CARM1: variants seen among roughly 807,000 people sequenced by gnomAD.
CARM1 encodes the protein coactivator associated arginine methyltransferase 1.
CARM1 carries 14 observed loss-of-function variants against 72.7 expected under a neutral mutation model. The observed-to-expected ratio is 0.19, with a 90% CI of 0.13 to 0.30. The LOEUF (loss-of-function observed/expected upper bound fraction) is 0.30, where lower values mean the gene tolerates loss of function less well. CARM1 is among the 10% of genes least tolerant of loss of function. The pLI, the probability that CARM1 is intolerant of heterozygous loss-of-function variation, is 1.00. For missense variants in CARM1, 432 were observed against 833.7 expected (o/e 0.52, Z 5.93); for synonymous variants, 333 against 345.5 (o/e 0.96, Z 0.40).
At position 10,909,000 on chromosome 19, in the gene CARM1, G is replaced by A. The variant is rs534973110; in HGVS notation, c.454-103G>A. ...GAGGGTGCACGACCTCCCGAGGGAG[G>A]TTTGTGCCCTAGATGGCCCCTTGCT... is the stretch of plus-strand genomic sequence containing the variant. On this transcript the variant is annotated intron_variant, in intron 3 of 15. Transcript: ENST00000327064. 3 of 816,714 alleles carry A rather than the reference G, an allele frequency of 3.7e-6. No individual in the cohort carries two copies. In the South Asian group the frequency reaches 4.4e-5, roughly 12 times the overall value. The allele number at this position is 816,714 out of a possible 1,614,324, so 50.6% of individuals were successfully genotyped here. A position where few individuals can be genotyped will look rare whatever the true frequency, so the allele number is the denominator to read the frequency against.
chr19:10,890,782 T>C lies in CARM1; in HGVS notation c.221-14169T>C, dbSNP rs1369277834. Among the ~76,000 whole-genome samples the C allele has an allele frequency of 7.5e-4, 71 of 94,788 alleles. 2 individuals carry two copies. The highest frequency in any genetic ancestry group is 2.7e-3 in the African/African-American group (55 of 20,528). The allele number at this position is 94,788 out of a possible 152,430, so 62.2% of individuals were successfully genotyped here. On this transcript the variant is annotated intron_variant, in intron 1 of 15. Coordinates refer to ENST00000327064, the MANE Select transcript of CARM1 (RefSeq NM_199141.2). The stretch of plus-strand genomic sequence containing the variant: ...ACACATATACACACACACATATATA[T>C]ATATATATATATATTTTTTTTTTTT...
At position 10,899,036 on chromosome 19, in the gene CARM1, T is replaced by C. The variant is rs568727035; in HGVS notation, c.221-5915T>C. Among the ~76,000 whole-genome samples the C allele has an allele frequency of 5.3e-5, 8 of 149,860 alleles. No homozygotes were observed. The East Asian group carries it at 1.6e-3, about 29-fold the overall frequency. Reference sequence around the variant, plus strand: ...AGAGAGGAACACGGCTTAGCTTGTTTTTTTTTTTTTTTTTTTTGGTTTGTC... The same window carrying C: ...AGAGAGGAACACGGCTTAGCTTGTTCTTTTTTTTTTTTTTTTTGGTTTGTC... On this transcript the variant is annotated intron_variant, in intron 1 of 15. Coordinates refer to ENST00000327064, the MANE Select transcript of CARM1 (RefSeq NM_199141.2).
intron 1 of CARM1, among the ~76,000 whole-genome samples, chr19:10,892,293 A>C (rs1261405181): frequency 6.6e-6 from 1 of 152,226 alleles, no homozygotes; most frequent in Non-Finnish European, 1.5e-5. Flanking sequence ...GTTTTTGATC[A>C]GTTGCTCAGA....
chr19:10,877,186 C>T (rs1034064472), intron 1 of CARM1, among the ~76,000 whole-genome samples: 4 of 152,012 alleles, frequency 2.6e-5, no homozygotes, highest in African/African-American at 4.8e-5. Flanking sequence ...TAGGACATCT[C>T]GGTGTCAAGC....
intron 1 of CARM1, among the ~76,000 whole-genome samples, chr19:10,898,679 CCACTG>C (rs2074041643): frequency 6.6e-6 from 1 of 152,246 alleles, no homozygotes; most frequent in Admixed American, 6.5e-5. Context: ...CACTGAATCG[CCACTG>C]CTGGATCCAG....
chr19:10,877,070 G>A (rs1451705465), intron 1 of CARM1, among the ~76,000 whole-genome samples: 1 of 152,172 alleles, frequency 6.6e-6, no homozygotes, highest in Non-Finnish European at 1.5e-5. Context: ...AGAATGGCCT[G>A]CTGTCACCGA....
chr19:10,872,539 G>A (rs925802230), intron 1 of CARM1, among the ~76,000 whole-genome samples: 1 of 152,066 alleles, frequency 6.6e-6, no homozygotes, highest in African/African-American at 2.4e-5. Flanking sequence ...CGCAGGGTGA[G>A]CTCCTCGTGG....
chr19:10,878,898 CCGGGTT>C (rs779877719), intron 1 of CARM1, among the ~76,000 whole-genome samples: 15 of 151,848 alleles, frequency 9.9e-5, no homozygotes, highest in Non-Finnish European at 2.1e-4. Flanking sequence ...CCTCTGCCTC[CCGGGTT>C]CAAGCGATTC....
rs1194923459 is a variant in CARM1 at position 10,915,979 on chromosome 19, G to T, written c.848-428G>T. 6.6e-6 allele frequency among the ~76,000 whole-genome samples: 1 copy of T among 152,194 alleles called. No homozygotes were observed. The highest frequency in any genetic ancestry group is 2.4e-5 in the African/African-American group (1 of 41,434). The stretch of plus-strand genomic sequence containing the variant: ...TCAACTGAGGTCCCCAGCGGCGTTG[G>T]GGTAGCCCGGGGCCCACCACCCTCC... On this transcript the variant is annotated intron_variant, in intron 6 of 15. Coordinates refer to ENST00000327064, the MANE Select transcript of CARM1 (RefSeq NM_199141.2). This position sits in a 1 kb window ranked among gnomAD's most constrained non-coding sequence, Gnocchi z 4.6.
At position 10,915,748 on chromosome 19, in the gene CARM1, C is replaced by T. The variant is rs115515673; in HGVS notation, c.848-659C>T. Among the ~76,000 whole-genome samples, 800 of 152,138 alleles carry T rather than the reference C, an allele frequency of 5.3e-3. 8 individuals are homozygous for T. The highest frequency in any genetic ancestry group is 0.019 in the African/African-American group (773 of 41,506). On this transcript the variant is annotated intron_variant, in intron 6 of 15. Transcript: ENST00000327064. The surrounding 1 kb of genome is among the most constrained non-coding windows in gnomAD (Gnocchi z 4.6). ...GAGGCCAGGTGCTCCTTGGGGCAGG[C>T]GGGGCTGCGGGGCCCTGATCCTCCC...
chr19:10,891,229 C>T (rs1014797624), intron 1 of CARM1, among the ~76,000 whole-genome samples: 2 of 151,760 alleles, frequency 1.3e-5, no homozygotes, highest in African/African-American at 4.8e-5. Context: ...GGTCTTGGGC[C>T]GGGCATGGGT....
intron 1 of CARM1, among the ~76,000 whole-genome samples, chr19:10,885,853 C>G (rs960421536): frequency 2.0e-5 from 3 of 148,228 alleles, no homozygotes; most frequent in South Asian, 2.1e-4. Flanking sequence ...GACAGCCCCC[C>G]ACAGGGAGCC....
chr19:10,875,382 G>A (rs751005354), intron 1 of CARM1, among the ~76,000 whole-genome samples: 1 of 150,978 alleles, frequency 6.6e-6, no homozygotes, highest in African/African-American at 2.4e-5. Flanking sequence ...GGCTGGTCTC[G>A]AACTCCTAGG....
At position 10,921,681 on chromosome 19, in the gene CARM1, T is replaced by A; in HGVS notation, c.1751T>A (p.Phe584Tyr). The A allele has an allele frequency of 6.2e-7, 1 of 1,613,626 alleles. No homozygotes were observed. Among genetic ancestry groups the A allele is most frequent in the Non-Finnish European group, 8.5e-7 (1 of 1,179,878 alleles). ...TSAHYAVNSQFTMGGPAISMA... is the reference protein window; with the variant it reads ...TSAHYAVNSQYTMGGPAISMA... ...GCCCACTATGCAGTCAACAGCCAGTTCACCATGGGCGGCCCCGCCATCTCC... is the reference window on the plus strand; with the variant it reads ...GCCCACTATGCAGTCAACAGCCAGTACACCATGGGCGGCCCCGCCATCTCC... The change falls in exon 16 of 16, where the codon TTC (phenylalanine) becomes TAC (tyrosine). Residue 584 changes from phenylalanine to tyrosine, a missense_variant. Physicochemically the swap from Phe to Tyr is conservative, Grantham distance 22 (BLOSUM62 3). This residue lies in a region of CARM1 where 142 missense variants were observed against 188.7 expected (regional missense o/e 0.75). Transcript: ENST00000327064.
intron 1 of CARM1, among the ~76,000 whole-genome samples, chr19:10,877,209 A>C (rs1208809398): frequency 6.6e-6 from 1 of 152,082 alleles, no homozygotes; most frequent in Non-Finnish European, 1.5e-5. Flanking sequence ...GAGTGACAAC[A>C]GGGAAAGTTA....
chr19:10,880,522 T>C (rs1454664888), intron 1 of CARM1, among the ~76,000 whole-genome samples: 1 of 150,118 alleles, frequency 6.7e-6, no homozygotes, highest in Non-Finnish European at 1.5e-5. Context: ...AATTTTTTTT[T>C]TTTTTTTTTT....
At chr19:10,888,293 G>A (rs1249021673) in intron 1 of CARM1, among the ~76,000 whole-genome samples, 2 of 152,202 alleles carry the variant, frequency 1.3e-5, no homozygotes, top group Non-Finnish European at 2.9e-5. Flanking sequence ...GGTCCCCTGA[G>A]CGTGGCCCCC....
In CARM1 at chr19:10,919,979, G is replaced by A. The variant is rs2074226982; in HGVS notation, c.1196+13G>A. 1.9e-6 allele frequency: 3 copies of A among 1,609,630 alleles called. No individual in the cohort carries two copies. In the South Asian group the frequency reaches 3.3e-5, roughly 18 times the overall value. On this transcript the variant is annotated intron_variant, in intron 10 of 15. Transcript: ENST00000327064. Reference sequence around the variant, plus strand: ...TCATCGGCTCCATGTGAGTGCCGCAGAGCAGCCCATGCTGCCTCCTCCCCA... The same window carrying A: ...TCATCGGCTCCATGTGAGTGCCGCAAAGCAGCCCATGCTGCCTCCTCCCCA...
intron 1 of CARM1, among the ~76,000 whole-genome samples, chr19:10,883,395 G>T (rs376888965): frequency 6.6e-6 from 1 of 152,148 alleles, no homozygotes; most frequent in African/African-American, 2.4e-5. Context: ...TAGTTTATCT[G>T]TCCCAGGGGC....
Sources: allele counts gnomAD v4.1 joint callset (sites outside exome capture counted in the v4.1 genomes callset), GRCh38; gene constraint gnomAD v4.1.1; regional missense constraint gnomAD v4.1.1; non-coding constraint Gnocchi (gnomAD v3.1); transcripts MANE v1.5; gene names NCBI Gene and HGNC (gene_info 2026-07-23, HGNC 2026-07-21).